KLHL8: variants seen among roughly 807,000 people sequenced by gnomAD.
KLHL8 encodes the protein kelch-like protein 8.
Under a neutral mutation model 63.5 loss-of-function variants are expected in KLHL8, and 38 were observed. That is an observed-to-expected ratio of 0.60 (90% CI 0.46 to 0.78). The LOEUF (loss-of-function observed/expected upper bound fraction) is 0.78. KLHL8 is among the 30% of genes least tolerant of loss of function. The probability of loss-of-function intolerance (pLI) is 0.00; values close to 1 mark genes in which losing one functional copy is unlikely to be tolerated. For synonymous variants in KLHL8, 224 were observed against 254.3 expected (o/e 0.88, Z 1.13); for missense variants, 566 against 752.4 (o/e 0.75, Z 2.90).
rs554308133 is a variant in KLHL8 at position 87,239,367 on chromosome 4, A to G, written n.57+891T>C. Reference sequence around the variant, plus strand: ...AAAGGAGACCCCAGGGAGAGGCTCCAGTGCGCCTGTTAAGAATCTGACTCC... The same window carrying G: ...AAAGGAGACCCCAGGGAGAGGCTCCGGTGCGCCTGTTAAGAATCTGACTCC... On this transcript the variant is annotated intron_variant and non_coding_transcript_variant, in intron 1 of 1. Transcript: ENST00000506274. 2.8e-3 allele frequency among the ~76,000 whole-genome samples: 429 copies of G among 152,364 alleles called. 2 individuals carry two copies. Among genetic ancestry groups the G allele is most frequent in the African/African-American group, 0.01 (418 of 41,590 alleles).
chr4:87,223,979 G>T (rs56933885), upstream of KLHL8, among the ~76,000 whole-genome samples: 995 of 152,174 alleles, frequency 6.5e-3, 7 homozygotes, highest in African/African-American at 0.023. Context: ...AACTGGAAAG[G>T]ATCTGATAGC....
rs114260670 is a variant in KLHL8, at chr4:87,235,331, C to T, written n.57+4927G>A. On this transcript the variant is annotated intron_variant and non_coding_transcript_variant, in intron 1 of 1. Coordinates refer to the KLHL8 transcript ENST00000506274. ...CTACGTTTAGGTACACAAATACCACCGTATTCTAGTTGCCTACAGTATTCA... is the reference window on the plus strand; with the variant it reads ...CTACGTTTAGGTACACAAATACCACTGTATTCTAGTTGCCTACAGTATTCA... Among the ~76,000 whole-genome samples, 575 of 152,182 alleles carry T rather than the reference C, an allele frequency of 3.8e-3. 2 individuals carry two copies. Among genetic ancestry groups the T allele is most frequent in the African/African-American group, 0.012 (515 of 41,520 alleles).
At chr4:87,230,970 TG>T (rs1418516564) in intron 1 of KLHL8, among the ~76,000 whole-genome samples, 1 of 152,246 alleles carries the variant, frequency 6.6e-6, no homozygotes, top group Admixed American at 6.5e-5. Context: ...AAGTGGAATG[TG>T]GACTTCCATC....
intron 4 of KLHL8, among the ~76,000 whole-genome samples, chr4:87,182,783 T>C (rs1553945519): frequency 6.6e-6 from 1 of 152,104 alleles, no homozygotes; most frequent in Non-Finnish European, 1.5e-5. Flanking sequence ...TTTTATTTGG[T>C]AAAATGAAAA....
intron 8 of KLHL8, among the ~76,000 whole-genome samples, chr4:87,169,407 T>C (rs1240389012): frequency 1.3e-5 from 2 of 152,260 alleles, no homozygotes; most frequent in East Asian, 1.9e-4. Context: ...TTAAAATTTA[T>C]TGTAGCAAAG....
chr4:87,190,502 A>G (rs1578379410), intron 2 of KLHL8, among the ~76,000 whole-genome samples: 1 of 151,896 alleles, frequency 6.6e-6, no homozygotes, highest in African/African-American at 2.4e-5. Context: ...AAATTAGCTG[A>G]GCATGATGGT....
At chr4:87,197,979 A>AATAT (rs1223632445) in intron 1 of KLHL8, among the ~76,000 whole-genome samples, 1 of 151,170 alleles carries the variant, frequency 6.6e-6, no homozygotes, top group African/African-American at 2.4e-5. Flanking sequence ...TAAATAAATA[A>AATAT]ATAAAGCCAT....
intron 2 of KLHL8, among the ~76,000 whole-genome samples, chr4:87,194,769 A>C (rs1449500219): frequency 2.6e-5 from 4 of 152,246 alleles, no homozygotes; most frequent in Non-Finnish European, 5.9e-5. Flanking sequence ...GATGATGAGC[A>C]AAGTTCACTG....
At chr4:87,229,438 TGG>T (rs34242868) in intron 1 of KLHL8, among the ~76,000 whole-genome samples, 6 of 132,768 alleles carry the variant, frequency 4.5e-5, no homozygotes, top group African/African-American at 1.1e-4. Context: ...TTTTTTTTGG[TGG>T]GGGGGGGTGC....
chr4:87,210,514 T>A (rs1373385167), intron 1 of KLHL8, among the ~76,000 whole-genome samples: 1 of 152,028 alleles, frequency 6.6e-6, no homozygotes, highest in Non-Finnish European at 1.5e-5. Flanking sequence ...AAGAAGTTAT[T>A]TTACAATTCA....
At chr4:87,164,676 A>T (rs962438957) in intron 8 of KLHL8, among the ~76,000 whole-genome samples, 36 of 152,200 alleles carry the variant, frequency 2.4e-4, no homozygotes, top group African/African-American at 8.7e-4. Context: ...AGCTCATTCT[A>T]GCAATGTACT....
At chr4:87,240,456 T>C (rs1733308223), upstream of KLHL8, 1 of 152,220 alleles carries the variant, frequency 6.6e-6, no homozygotes, top group South Asian at 2.1e-4. Flanking sequence ...GTAGCTTCAG[T>C]TGTTCCAGTT....
intron 1 of KLHL8, among the ~76,000 whole-genome samples, chr4:87,201,208 T>C (rs149262838): frequency 6.6e-6 from 1 of 152,346 alleles, no homozygotes; most frequent in East Asian, 1.9e-4. Flanking sequence ...AATGTACATA[T>C]AGTTAACACT....
intron 2 of KLHL8, among the ~76,000 whole-genome samples, chr4:87,190,473 C>G (rs1190470629): frequency 1.3e-5 from 2 of 151,928 alleles, no homozygotes; most frequent in African/African-American, 4.8e-5. Flanking sequence ...GGTGAAACCC[C>G]ATCTCTATAA....
chr4:87,183,325 T>A lies in KLHL8; in HGVS notation c.830A>T (p.Lys277Met). ...TAAATCTCTACATTTTAGATTTTGC[T>A]TGACAATCTGTTCTTTTGCCACAAC... Reference protein sequence around the residue: ...MGVVAKEQIVKQNLKCRDLLD... With the variant: ...MGVVAKEQIVMQNLKCRDLLD... The change falls in exon 4 of 10, where the codon AAG becomes ATG. Residue 277 changes from lysine to methionine, a missense_variant. Coordinates refer to ENST00000273963, the MANE Select transcript of KLHL8 (RefSeq NM_020803.5). 1.9e-6 allele frequency: 3 copies of A among 1,613,526 alleles called. No homozygotes were observed. The highest frequency in any genetic ancestry group is 2.5e-6 in the Non-Finnish European group (3 of 1,179,576).
intron 1 of KLHL8, among the ~76,000 whole-genome samples, chr4:87,206,888 T>C (rs1732151431): frequency 1.3e-5 from 2 of 152,230 alleles, no homozygotes; most frequent in African/African-American, 2.4e-5. Flanking sequence ...CACAGTCTAC[T>C]CTTTTTTGAA....
chr4:87,182,619 A>G (rs1731098557), intron 4 of KLHL8, among the ~76,000 whole-genome samples: 1 of 152,172 alleles, frequency 6.6e-6, no homozygotes, highest in Non-Finnish European at 1.5e-5. Flanking sequence ...AAAAAAAAAG[A>G]AGCGAACATG....
chr4:87,184,457 A>G (rs1327771704), intron 3 of KLHL8, among the ~76,000 whole-genome samples: 1 of 152,222 alleles, frequency 6.6e-6, no homozygotes, highest in Non-Finnish European at 1.5e-5. Context: ...TGCTATTAGG[A>G]AACTTTGTTA....
intron 1 of KLHL8, among the ~76,000 whole-genome samples, chr4:87,206,820 C>T (rs181797388): frequency 1.3e-5 from 2 of 152,326 alleles, no homozygotes; most frequent in East Asian, 3.9e-4. Context: ...CCATAGTACG[C>T]TGTATTTCTC....
Sources: gnomAD v4.1 joint callset for allele counts (sites outside exome capture counted in the v4.1 genomes callset) on GRCh38, gnomAD v4.1.1 for gene constraint, MANE v1.5 for transcripts, NCBI Gene and HGNC (gene_info 2026-07-23, HGNC 2026-07-21) for gene names.